The following CCDC141 variants were observed in gnomAD, a reference collection of about 807,000 sequenced individuals.
The protein encoded by CCDC141 is coiled-coil domain-containing protein 141.
A neutral mutation model predicts 181.0 loss-of-function variants in CCDC141; 168 were observed. That is an observed-to-expected ratio of 0.93 (90% CI 0.82 to 1.05). The LOEUF (loss-of-function observed/expected upper bound fraction) is 1.05. Among genes scored for constraint, CCDC141 ranks in the 50% least tolerant of loss-of-function variants. The pLI is 0.00. For synonymous variants in CCDC141, 666 were observed against 642.3 expected (o/e 1.04, Z -0.56); for missense variants, 1,902 against 1,788.5 (o/e 1.06, Z -1.14).
At chr2:178,992,249 G>T (rs1575317963) in intron 2 of CCDC141, among the ~76,000 whole-genome samples, 1 of 143,568 alleles carries the variant, frequency 7.0e-6, no homozygotes, top group Non-Finnish European at 1.5e-5. Context: ...ATATCTTTCT[G>T]TATATTTTCA....
intron 2 of CCDC141, among the ~76,000 whole-genome samples, chr2:178,990,534 GAGGAAGGAAGGA>G (rs146600473): frequency 7.4e-6 from 1 of 134,376 alleles, no homozygotes; most frequent in African/African-American, 2.9e-5. Flanking sequence ...GAAAGAGAGA[GAGGAAGGAAGGA>G]AGGAAGGAAG....
At chr2:179,033,757 T>C (rs1177319638) in intron 2 of CCDC141, among the ~76,000 whole-genome samples, 1 of 152,184 alleles carries the variant, frequency 6.6e-6, no homozygotes, top group Non-Finnish European at 1.5e-5. Context: ...TTTAAAGGAC[T>C]ACCTTCTAAA....
intron 8 of CCDC141, among the ~76,000 whole-genome samples, chr2:178,896,772 C>A (rs1251041999): frequency 6.6e-6 from 1 of 152,162 alleles, no homozygotes; most frequent in African/African-American, 2.4e-5. Context: ...TATTAAACTT[C>A]TTTGTGCCCT....
chr2:178,903,540 G>C (rs1213139729), intron 8 of CCDC141, among the ~76,000 whole-genome samples: 1 of 143,700 alleles, frequency 7.0e-6, no homozygotes, highest in Non-Finnish European at 1.5e-5. Context: ...CTCACTCATA[G>C]TTGGGAACTG....
chr2:178,939,019 TC>T (rs1689402731), intron 6 of CCDC141, among the ~76,000 whole-genome samples: 2 of 152,146 alleles, frequency 1.3e-5, no homozygotes, highest in Non-Finnish European at 2.9e-5. Flanking sequence ...TGGTTTTTTT[TC>T]TTTTGGTTCG....
intron 6 of CCDC141, among the ~76,000 whole-genome samples, chr2:178,931,241 G>A (rs182258629): frequency 8.5e-4 from 129 of 152,256 alleles, no homozygotes; most frequent in African/African-American, 2.9e-3. Context: ...AAACAGAGCA[G>A]CTGCTATGGA....
rs1489489 is a variant in CCDC141 at position 178,916,648 on chromosome 2, A to G, written c.1092+2065T>C. The stretch of plus-strand genomic sequence containing the variant: ...GGTAGAAATATCCATCATCTTTCAC[A>G]CTGAGTTCTTAGATTTGGAGTCAGA... On this transcript the variant is annotated intron_variant, in intron 7 of 23. Transcript: ENST00000443758. Among the ~76,000 whole-genome samples, 694 of 152,246 alleles carry G rather than the reference A, an allele frequency of 4.6e-3. 9 individuals are homozygous for G. The highest frequency in any genetic ancestry group is 0.016 in the African/African-American group (653 of 41,560).
chr2:178,815,312 G>A, the CCDC141 span, among the ~76,000 whole-genome samples: 3 of 152,184 alleles, frequency 2.0e-5, no homozygotes, highest in East Asian at 1.9e-4. Flanking sequence ...AGTGGAGCAG[G>A]CTGGAGAGGA....
At chr2:178,872,789 T>G (rs560772013) in intron 12 of CCDC141, among the ~76,000 whole-genome samples, 1 of 152,330 alleles carries the variant, frequency 6.6e-6, no homozygotes, top group African/African-American at 2.4e-5. Context: ...ACATTGCAAT[T>G]ATTTTAAATG....
At chr2:178,842,854 A>C (rs754514614) in intron 22 of CCDC141, among the ~76,000 whole-genome samples, 14 of 152,194 alleles carry the variant, frequency 9.2e-5, no homozygotes, top group African/African-American at 3.4e-4. Context: ...GACAAGGTAA[A>C]AGAAAAGGGA....
intron 17 of CCDC141, among the ~76,000 whole-genome samples, chr2:178,859,437 A>G (rs1040709652): frequency 2.0e-5 from 3 of 152,110 alleles, no homozygotes; most frequent in African/African-American, 7.2e-5. Flanking sequence ...ACTTTAGTCA[A>G]CTTGTCAACA....
At chr2:178,852,981 T>G (rs965097321) in intron 20 of CCDC141, among the ~76,000 whole-genome samples, 1 of 152,228 alleles carries the variant, frequency 6.6e-6, no homozygotes, top group African/African-American at 2.4e-5. Flanking sequence ...CAGGTCTTTC[T>G]CAAATATGTG....
intron 2 of CCDC141, among the ~76,000 whole-genome samples, chr2:179,025,390 T>C (rs1202552617): frequency 6.6e-6 from 1 of 152,138 alleles, no homozygotes; most frequent in African/African-American, 2.4e-5. Context: ...TGTGCTGTTC[T>C]CATATAGTGA....
chr2:178,941,246 G>C (rs893546344), intron 6 of CCDC141, among the ~76,000 whole-genome samples: 1 of 152,066 alleles, frequency 6.6e-6, no homozygotes, highest in Non-Finnish European at 1.5e-5. Flanking sequence ...CCATCCATCT[G>C]TTCAAACCCC....
At chr2:178,974,980 A>G (rs1691054827) in intron 4 of CCDC141, 77 bp downstream of exon 4, 1 of 655,544 alleles carries the variant, frequency 1.5e-6, no homozygotes, top group South Asian at 2.7e-5. Context: ...AAAATACACT[A>G]TCATACATAA....
intron 4 of CCDC141, among the ~76,000 whole-genome samples, chr2:178,967,525 T>TATAA (rs747588083): frequency 6.6e-6 from 1 of 152,110 alleles, no homozygotes; most frequent in Non-Finnish European, 1.5e-5. Flanking sequence ...AAATCCTTTA[T>TATAA]AGACAAGGAA....
intron 5 of CCDC141, among the ~76,000 whole-genome samples, chr2:178,951,233 T>TA (rs1327337338): frequency 3.9e-5 from 6 of 152,234 alleles, no homozygotes; most frequent in African/African-American, 1.2e-4. Flanking sequence ...CAATATAACT[T>TA]AAAGTTCTAT....
intron 19 of CCDC141, among the ~76,000 whole-genome samples, chr2:178,854,798 T>G (rs975070340): frequency 6.6e-6 from 1 of 152,188 alleles, no homozygotes; most frequent in African/African-American, 2.4e-5. Flanking sequence ...ACTCAAGAAC[T>G]TCAAGTGCAG....
chr2:178,856,615 G>T (rs1172058791), intron 17 of CCDC141, among the ~76,000 whole-genome samples: 1 of 149,360 alleles, frequency 6.7e-6, no homozygotes, highest in Non-Finnish European at 1.5e-5. Flanking sequence ...TTGAGACAGG[G>T]TCTCACTTTG....
Sources: allele counts gnomAD v4.1 joint callset (sites outside exome capture counted in the v4.1 genomes callset), GRCh38; gene constraint gnomAD v4.1.1; transcripts MANE v1.5; gene names NCBI Gene and HGNC (gene_info 2026-07-23, HGNC 2026-07-21).